MEIOC: variants seen among roughly 807,000 people sequenced by gnomAD.
The protein encoded by MEIOC is meiosis specific with coiled-coil domain, also known as meiosis-specific coiled-coil domain-containing protein MEIOC.
MEIOC carries 9 observed loss-of-function variants against 85.3 expected under a neutral mutation model. The ratio of observed to expected loss-of-function variants is 0.11; its 90% CI spans 0.06 to 0.18. MEIOC has a LOEUF of 0.18. Ranked by LOEUF, MEIOC falls within the 10% of genes least tolerant of loss-of-function variation. MEIOC has a pLI of 1.00. For synonymous variants in MEIOC, 365 were observed against 393.7 expected, an observed-to-expected ratio of 0.93 and a Z score of 0.86; for missense variants, 898 against 1,129.4, an observed-to-expected ratio of 0.80 and a Z score of 2.94.
chr17:44,673,908 T>C (rs1972042296), intron 7 of MEIOC, 68 bp from the exon 8 acceptor site: 3 of 1,501,842 alleles, frequency 2.0e-6, no homozygotes, highest in East Asian at 2.5e-5. Flanking sequence ...AAGCACTGGG[T>C]TTTGTAAGAT....
At chr17:44,661,532 T>A (rs1260806115) in intron 2 of MEIOC, among the ~76,000 whole-genome samples, 1 of 152,040 alleles carries the variant, frequency 6.6e-6, no homozygotes, top group Non-Finnish European at 1.5e-5. Context: ...TTTTCAGAGA[T>A]TGGGGACATT....
chr17:44,656,490 G>GGGCGGCGGA lies in MEIOC; in HGVS notation c.-117_-109dup, dbSNP rs1321112284. Reference sequence around the variant, plus strand: ...CGCACACTGGCTCCAGGCAGCGCCCGGGCGGCGGAGGCGGCTGCGGAGACG... The same window carrying GGGCGGCGGA: ...CGCACACTGGCTCCAGGCAGCGCCCGGGCGGCGGAGGCGGCGGAGGCGGCTGCGGAGACG... On this transcript the variant is annotated 5_prime_UTR_variant, in exon 1 of 8. Coordinates refer to ENST00000409122, the MANE Select transcript of MEIOC (RefSeq NM_001145080.3). 5.5e-6 allele frequency: 4 copies of GGGCGGCGGA among 727,054 alleles called. No homozygotes were observed. Among genetic ancestry groups the GGGCGGCGGA allele is most frequent in the Middle Eastern group, 8.8e-4 (2 of 2,278 alleles). 45.0% of individuals were successfully genotyped at this position (727,054 alleles called of 1,614,324 possible). A position where few individuals can be genotyped will look rare whatever the true frequency, so the allele number is the denominator to read the frequency against.
intron 4 of MEIOC, among the ~76,000 whole-genome samples, chr17:44,665,697 T>C (rs1389427149): frequency 2.6e-5 from 4 of 152,280 alleles, no homozygotes; most frequent in South Asian, 2.1e-4. Context: ...AGGACTTTCA[T>C]TGAAAAATTA....
At chr17:44,672,950 T>G in intron 6 of MEIOC, 1 of 155,826 alleles carries the variant, frequency 6.4e-6, no homozygotes, top group Non-Finnish European at 1.4e-5. Flanking sequence ...ATTAAAGACT[T>G]GTTGAGGTCA....
At position 44,667,614 on chromosome 17, in the gene MEIOC, C is replaced by T. The variant is rs1340592854; in HGVS notation, c.1703C>T (p.Pro568Leu). The T allele has an allele frequency of 1.9e-6, 3 of 1,613,100 alleles. No individual in the cohort carries two copies. Among genetic ancestry groups the T allele is most frequent in the Non-Finnish European group, 2.5e-6 (3 of 1,179,630 alleles). Residue 568 changes from proline (P) to leucine (L), a missense_variant, in exon 5 of 8, where the codon CCT (proline) becomes CTT (leucine). By Grantham distance (98) the Pro-to-Leu change is moderately conservative. Around this residue, in one of 2 missense-constraint regions of MEIOC, gnomAD observed 734 missense variants for 860.1 expected, o/e 0.85. Transcript: ENST00000409122. ...SVNHIEGLTK[P>L]GEENLFKLVT... Reference sequence around the variant, plus strand: ...AATCACATAGAAGGACTAACAAAGCCTGGAGAAGAAAATCTCTTCAAATTG... The same window carrying T: ...AATCACATAGAAGGACTAACAAAGCTTGGAGAAGAAAATCTCTTCAAATTG...
Position 44,675,482 on chromosome 17 carries a change from T to C in MEIOC, c.*1286T>C. 1 of 965,776 alleles carries C rather than the reference T, an allele frequency of 1.0e-6. No homozygotes were observed. Among genetic ancestry groups the C allele is most frequent in the Non-Finnish European group, 1.2e-6 (1 of 812,142 alleles). The allele number at this position is 965,776 out of a possible 1,614,324, so 59.8% of individuals were successfully genotyped here. ...GAAACACTGATGTTTTAAATGTTAG[T>C]GTTTTTCTTAGTTTTAGAAATTCTG... On this transcript the variant is annotated 3_prime_UTR_variant, in exon 8 of 8. Transcript: ENST00000409122.
At chr17:44,660,686 A>C (rs1289665926) in intron 2 of MEIOC, among the ~76,000 whole-genome samples, 1 of 152,186 alleles carries the variant, frequency 6.6e-6, no homozygotes, top group Non-Finnish European at 1.5e-5. Context: ...TCTTTAAGGA[A>C]GCATTTTCTA....
At chr17:44,668,256 G>A (rs1971942005) in intron 5 of MEIOC, 23 bp downstream of exon 5, 2 of 1,563,794 alleles carry the variant, frequency 1.3e-6, no homozygotes, top group African/African-American at 1.4e-5. Context: ...TAACCACTTA[G>A]GAATAACAGT....
intron 1 of MEIOC, 121 bp from the exon 2 acceptor site, chr17:44,657,006 G>A (rs1971768233): frequency 2.0e-5 from 24 of 1,190,094 alleles, no homozygotes; most frequent in Non-Finnish European, 2.6e-5. Context: ...CCACATTCGT[G>A]TCCTCTGAGA....
At chr17:44,669,293 A>C in intron 5 of MEIOC, 90 bp from the exon 6 acceptor site, 1 of 1,007,662 alleles carries the variant, frequency 9.9e-7, no homozygotes, top group Non-Finnish European at 1.5e-6. Flanking sequence ...AAGTGGTAAT[A>C]CTCTATTTAT....
rs1331825649 is a variant in MEIOC at position 44,667,466 on chromosome 17, C to G, written c.1555C>G (p.Gln519Glu). The G allele has an allele frequency of 6.2e-7, 1 of 1,613,676 alleles. No homozygotes were observed. The highest frequency in any genetic ancestry group is 1.7e-5 in the Admixed American group (1 of 59,960). Residue 519 changes from glutamine to glutamate, a missense_variant, in exon 5 of 8, where the codon CAA (glutamine) becomes GAA (glutamate). Physicochemically the swap from Gln to Glu is conservative, Grantham distance 29 (BLOSUM62 2). Transcript: ENST00000409122. ...KGSNHSSDFP[Q>E]LSSTNLTPNS... ...TTCTAACCATTCTTCAGATTTCCCCCAACTATCATCCACAAACTTAACCCC... is the reference window on the plus strand; with the variant it reads ...TTCTAACCATTCTTCAGATTTCCCCGAACTATCATCCACAAACTTAACCCC...
At position 44,675,014 on chromosome 17, in the gene MEIOC, C is replaced by A; in HGVS notation, c.*818C>A. ...TGATGCACAGTAACTGAAATAATGA[C>A]TACTGTTTTAATACCCTTAGTTTGC... On this transcript the variant is annotated 3_prime_UTR_variant, in exon 8 of 8. Transcript: ENST00000409122. 4.1e-6 allele frequency: 4 copies of A among 984,286 alleles called. No homozygotes were observed. Among genetic ancestry groups the A allele is most frequent in the Non-Finnish European group, 4.8e-6 (4 of 828,938 alleles). 61.0% of individuals were successfully genotyped at this position (984,286 alleles called of 1,614,324 possible). A position where few individuals can be genotyped will look rare whatever the true frequency, so the allele number is the denominator to read the frequency against.
At chr17:44,659,403 G>A (rs1205280011) in intron 2 of MEIOC, among the ~76,000 whole-genome samples, 1 of 152,138 alleles carries the variant, frequency 6.6e-6, no homozygotes, top group Non-Finnish European at 1.5e-5. Flanking sequence ...GTATGTTAAG[G>A]ATATAAGTGA....
chr17:44,667,592 C>T lies in MEIOC; in HGVS notation c.1681C>T (p.His561Tyr), dbSNP rs750569354. 9 of 1,613,650 alleles carry T rather than the reference C, an allele frequency of 5.6e-6. No homozygotes were observed. The South Asian group carries it at 9.9e-5, about 18-fold the overall frequency. Residue 561 changes from histidine to tyrosine, a missense_variant, in exon 5 of 8, where the codon CAC becomes TAC. By Grantham distance (83) the His-to-Tyr change is moderately conservative. This residue lies in a region of MEIOC where 734 missense variants were observed against 860.1 expected (regional missense o/e 0.85). Coordinates refer to ENST00000409122, the MANE Select transcript of MEIOC (RefSeq NM_001145080.3). The stretch of plus-strand genomic sequence containing the variant: ...TGCAGAAAGAATCCAATCTGTCAAT[C>T]ACATAGAAGGACTAACAAAGCCTGG... ...SGAERIQSVN[H>Y]IEGLTKPGEE...
chr17:44,661,345 A>C (rs975356243), intron 2 of MEIOC, among the ~76,000 whole-genome samples: 1 of 150,538 alleles, frequency 6.6e-6, no homozygotes, highest in Non-Finnish European at 1.5e-5. Flanking sequence ...AAATAGGAGG[A>C]AAAAGACCTT....
chr17:44,666,599 T>A lies in MEIOC; in HGVS notation c.688T>A (p.Leu230Ile). 1 of 1,611,034 alleles carries A rather than the reference T, an allele frequency of 6.2e-7. No individual in the cohort carries two copies. Among genetic ancestry groups the A allele is most frequent in the Non-Finnish European group, 8.5e-7 (1 of 1,178,392 alleles). Residue 230 changes from leucine (L) to isoleucine (I), a missense_variant, in exon 5 of 8, where the codon TTA (leucine) becomes ATA (isoleucine). Coordinates refer to ENST00000409122, the MANE Select transcript of MEIOC (RefSeq NM_001145080.3). ...TGAACTTCATCATGGATTTACTGGT[T>A]TAGATCTTGAAGAACAATGGATGTA... ...IDELHHGFTG[L>I]DLEEQWMYPS...
At chr17:44,658,147 A>G (rs1030915528) in intron 2 of MEIOC, among the ~76,000 whole-genome samples, 92 of 114,580 alleles carry the variant, frequency 8.0e-4, no homozygotes, top group African/African-American at 3.1e-3. Context: ...CGCCCAGCCC[A>G]GGAACAATTT....
chr17:44,663,304 A>ATGG lies in MEIOC; in HGVS notation c.359+835_359+836insGTG, dbSNP rs1389890157. Among the ~76,000 whole-genome samples, 4 of 151,784 alleles carry ATGG rather than the reference A, an allele frequency of 2.6e-5. No homozygotes were observed. In the East Asian group the frequency reaches 7.7e-4, roughly 29 times the overall value. On this transcript the variant is annotated intron_variant, in intron 3 of 7. Coordinates refer to ENST00000409122, the MANE Select transcript of MEIOC (RefSeq NM_001145080.3). ...GATGATGATGATGATGATGATGATG[A>ATGG]TGACGATAACTAGGATATTATGGGA... is the stretch of plus-strand genomic sequence containing the variant.
intron 2 of MEIOC, among the ~76,000 whole-genome samples, chr17:44,661,131 T>C (rs553605901): frequency 6.6e-6 from 1 of 151,226 alleles, no homozygotes; most frequent in South Asian, 2.1e-4. Context: ...CTACTGAAAA[T>C]ACAAAAATTA....
Sources: gnomAD v4.1 joint callset for allele counts (sites outside exome capture counted in the v4.1 genomes callset) on GRCh38, gnomAD v4.1.1 for gene constraint, gnomAD v4.1.1 regional missense constraint, MANE v1.5 for transcripts, NCBI Gene and HGNC (gene_info 2026-07-23, HGNC 2026-07-21) for gene names.